PPARD: variants seen among roughly 807,000 people sequenced by gnomAD.
The protein encoded by PPARD is peroxisome proliferator-activated receptor delta.
Under a neutral mutation model 39.5 loss-of-function variants are expected in PPARD, and 6 were observed. The observed-to-expected ratio is 0.15, with a 90% CI of 0.08 to 0.30. PPARD has a LOEUF of 0.30. PPARD is among the 10% of genes least tolerant of loss of function. The pLI is 1.00. For synonymous variants in PPARD, 210 were observed against 231.3 expected, an observed-to-expected ratio of 0.91 and a Z score of 0.83; for missense variants, 397 against 596.8, an observed-to-expected ratio of 0.67 and a Z score of 3.49.
chr6:35,396,688 G>T (rs1009597769), intron 2 of PPARD, among the ~76,000 whole-genome samples: 1 of 151,806 alleles, frequency 6.6e-6, no homozygotes, highest in Non-Finnish European at 1.5e-5. Context: ...AAATTAGCTG[G>T]GCGTGGTAGC....
At chr6:35,400,554 C>T (rs1277363441) in intron 2 of PPARD, among the ~76,000 whole-genome samples, 1 of 152,118 alleles carries the variant, frequency 6.6e-6, no homozygotes, top group Non-Finnish European at 1.5e-5. Flanking sequence ...AATCTCAGCA[C>T]TTTGGGAGGC....
At position 35,412,539 on chromosome 6, in the gene PPARD, C is replaced by T. The variant is rs1765497420; in HGVS notation, c.130+1322C>T. Among the ~76,000 whole-genome samples the T allele has an allele frequency of 6.6e-6, 1 of 152,218 alleles. No homozygotes were observed. The highest frequency in any genetic ancestry group is 2.4e-5 in the African/African-American group (1 of 41,450). On this transcript the variant is annotated intron_variant, in intron 3 of 7. Coordinates refer to ENST00000360694, the MANE Select transcript of PPARD (RefSeq NM_006238.5). The surrounding 1 kb of genome is among the most constrained non-coding windows in gnomAD (Gnocchi z 4.1). ...CAGGGTGAAGGCTGTGGAGGTAGCG[C>T]AGGCTCCTGTTTGGGTCTGCAGCTA...
intron 3 of PPARD, 86 bp from the exon 4 acceptor site, chr6:35,420,041 T>G: frequency 6.7e-7 from 1 of 1,488,950 alleles, no homozygotes; most frequent in Non-Finnish European, 9.0e-7. Context: ...GTTAAGTGGC[T>G]GAGGCGAGGG....
chr6:35,375,968 T>C (rs1393130258), intron 2 of PPARD, among the ~76,000 whole-genome samples: 2 of 152,248 alleles, frequency 1.3e-5, no homozygotes, highest in African/African-American at 2.4e-5. Flanking sequence ...TTTAATCTTA[T>C]TCAATTAATA....
intron 2 of PPARD, among the ~76,000 whole-genome samples, chr6:35,368,307 G>A (rs909915652): frequency 6.6e-6 from 1 of 152,206 alleles, no homozygotes; most frequent in African/African-American, 2.4e-5. Flanking sequence ...CCCTTTCTGC[G>A]CTTAGTGGCC....
intron 2 of PPARD, chr6:35,348,757 AC>A: frequency 5.1e-6 from 5 of 985,208 alleles, no homozygotes; most frequent in Non-Finnish European, 6.0e-6. Flanking sequence ...CTGCTTTCAA[AC>A]CCATACCAAG....
chr6:35,404,836 A>G (rs989419816), intron 2 of PPARD, among the ~76,000 whole-genome samples: 8 of 152,148 alleles, frequency 5.3e-5, no homozygotes, highest in African/African-American at 1.9e-4. Context: ...CCAATGGGCA[A>G]TGGATGGAGT....
intron 2 of PPARD, among the ~76,000 whole-genome samples, chr6:35,398,029 C>T (rs1764454139): frequency 6.6e-6 from 1 of 152,130 alleles, no homozygotes; most frequent in African/African-American, 2.4e-5. Flanking sequence ...AGGCCGTGTG[C>T]CTGGTACTTA....
intron 2 of PPARD, among the ~76,000 whole-genome samples, chr6:35,378,567 G>A (rs566077195): frequency 3.3e-5 from 5 of 152,292 alleles, no homozygotes; most frequent in South Asian, 2.1e-4. Context: ...CAAACTCAGC[G>A]TCTCTGAGTG....
intron 2 of PPARD, among the ~76,000 whole-genome samples, chr6:35,347,667 G>A (rs942434196): frequency 6.6e-6 from 1 of 151,986 alleles, no homozygotes; most frequent in Non-Finnish European, 1.5e-5. Context: ...GGAGTGCAAT[G>A]GCGTGATCTT....
In PPARD at chr6:35,346,962, C is replaced by T. The variant is rs1030671456; in HGVS notation, c.-185-105C>T. ...AGGGACCGACGAGGAGCCAGATTAC[C>T]TTAGGAACACTCTTTGAGTTACGGT... On this transcript the variant is annotated intron_variant, in intron 1 of 7. Coordinates refer to ENST00000360694, the MANE Select transcript of PPARD (RefSeq NM_006238.5). 4.2e-5 allele frequency: 28 copies of T among 665,232 alleles called. No individual in the cohort carries two copies. The East Asian group carries it at 6.9e-4, about 16-fold the overall frequency. 41.2% of individuals were successfully genotyped at this position (665,232 alleles called of 1,614,324 possible).
intron 1 of PPARD, among the ~76,000 whole-genome samples, chr6:35,345,042 T>C (rs953400442): frequency 6.6e-6 from 1 of 152,208 alleles, no homozygotes; most frequent in African/African-American, 2.4e-5. Flanking sequence ...CCTTACTCTT[T>C]TGAGCAGTTT....
At chr6:35,352,982 G>A (rs779068410) in intron 2 of PPARD, among the ~76,000 whole-genome samples, 19 of 152,156 alleles carry the variant, frequency 1.2e-4, no homozygotes, top group Non-Finnish European at 2.5e-4. Flanking sequence ...ACTAAGAGGC[G>A]TGATTCACTG....
intron 2 of PPARD, among the ~76,000 whole-genome samples, chr6:35,351,170 T>C (rs1034447328): frequency 5.3e-5 from 8 of 151,708 alleles, no homozygotes; most frequent in Non-Finnish European, 1.2e-4. Flanking sequence ...GGACTACAGG[T>C]GCCCGCCACC....
chr6:35,404,333 A>C (rs1393551252), intron 2 of PPARD, among the ~76,000 whole-genome samples: 2 of 152,180 alleles, frequency 1.3e-5, no homozygotes, highest in Non-Finnish European at 2.9e-5. Context: ...TGAGGATTAC[A>C]TTTGCCAACA....
At chr6:35,389,689 A>G (rs1190821141) in intron 2 of PPARD, among the ~76,000 whole-genome samples, 2 of 152,246 alleles carry the variant, frequency 1.3e-5, no homozygotes, top group African/African-American at 2.4e-5. Flanking sequence ...TGCAGATTGC[A>G]TACTCTAACC....
chr6:35,378,207 G>A (rs189627165), intron 2 of PPARD, among the ~76,000 whole-genome samples: 8 of 152,168 alleles, frequency 5.3e-5, no homozygotes, highest in Non-Finnish European at 1.2e-4. Context: ...TGAGAGCAGG[G>A]TCTTGTTTTT....
In PPARD at chr6:35,426,145, CT is replaced by C; in HGVS notation, c.*70del. On this transcript the variant is annotated 3_prime_UTR_variant, in exon 8 of 8. Coordinates refer to ENST00000360694, the MANE Select transcript of PPARD (RefSeq NM_006238.5). ...GCACTGGAGGGGCCCACCCACATGA[CT>C]TTTCCATTGACCAGCCCTTGAGCAC... 1 of 1,564,446 alleles carries C rather than the reference CT, an allele frequency of 6.4e-7. No individual in the cohort carries two copies. The highest frequency in any genetic ancestry group is 8.6e-7 in the Non-Finnish European group (1 of 1,160,054).
In PPARD at chr6:35,411,005, G is replaced by T. The variant is rs1270056519; in HGVS notation, c.-83G>T. ...TGCCCAGGCTGATGGGAACCACCCT[G>T]TAGAGGTCCATCTGCGTTCAGACCC... is the stretch of plus-strand genomic sequence containing the variant. On this transcript the variant is annotated 5_prime_UTR_variant, in exon 3 of 8. Transcript: ENST00000360694. The T allele has an allele frequency of 1.5e-6, 2 of 1,346,836 alleles. No individual in the cohort carries two copies. The highest frequency in any genetic ancestry group is 1.5e-5 in the African/African-American group (1 of 66,758). The allele number at this position is 1,346,836 out of a possible 1,614,324, so 83.4% of individuals were successfully genotyped here.
Sources: allele counts gnomAD v4.1 joint callset (sites outside exome capture counted in the v4.1 genomes callset), GRCh38; gene constraint gnomAD v4.1.1; non-coding constraint Gnocchi (gnomAD v3.1); transcripts MANE v1.5; gene names NCBI Gene and HGNC (gene_info 2026-07-23, HGNC 2026-07-21).